COL5A1: variants seen among roughly 807,000 people sequenced by gnomAD.
The protein encoded by COL5A1 is collagen alpha-1(V) chain.
COL5A1 carries 16 observed loss-of-function variants against 263.7 expected under a neutral mutation model. The observed-to-expected ratio is 0.06, with a 90% CI of 0.04 to 0.09. The LOEUF (loss-of-function observed/expected upper bound fraction) is 0.09, where lower values mean the gene tolerates loss of function less well. Ranked by LOEUF, COL5A1 falls within the 10% of genes least tolerant of loss-of-function variation. The pLI, the probability that COL5A1 is intolerant of heterozygous loss-of-function variation, is 1.00. For synonymous variants in COL5A1, 1,012 were observed against 1,004.5 expected (o/e 1.01, Z -0.14); for missense variants, 2,036 against 2,540.5 (o/e 0.80, Z 4.27).
chr9:134,834,914 G>A, intron 64 of COL5A1, 57 bp from the exon 65 acceptor site: 2 of 1,261,724 alleles, frequency 1.6e-6, no homozygotes, highest in South Asian at 1.2e-5. Context: ...CGGACGTGGG[G>A]CTTTGTTGCT....
At chr9:134,703,918 C>A (rs373900572) in intron 4 of COL5A1, among the ~76,000 whole-genome samples, 1 of 152,034 alleles carries the variant, frequency 6.6e-6, no homozygotes. Context: ...GGATTGCAGG[C>A]GTGAGCCACC....
rs777490404 is a variant in COL5A1, at chr9:134,805,150, T to A, written c.3205-11T>A. 6.2e-7 allele frequency: 1 copy of A among 1,614,010 alleles called. No homozygotes were observed. Among genetic ancestry groups the A allele is most frequent in the Admixed American group, 1.7e-5 (1 of 60,024 alleles). ...CACGTGCCCTTGACCAACCTTTTCA[T>A]GGCTTTGCAGGGAGCTCTTGGACTG... is the stretch of plus-strand genomic sequence containing the variant. On this transcript the variant is annotated splice_polypyrimidine_tract_variant and intron_variant, in intron 40 of 65. Coordinates refer to ENST00000371817, the MANE Select transcript of COL5A1 (RefSeq NM_000093.5).
Position 134,821,905 on chromosome 9 carries a change from C to T in COL5A1, c.4555-192C>T, listed in dbSNP as rs879505610. 2.0e-5 allele frequency among the ~76,000 whole-genome samples: 3 copies of T among 152,182 alleles called. No homozygotes were observed. The highest frequency in any genetic ancestry group is 4.4e-5 in the Non-Finnish European group (3 of 68,030). On this transcript the variant is annotated intron_variant, in intron 58 of 65. Transcript: ENST00000371817. The surrounding 1 kb of genome is among the most constrained non-coding windows in gnomAD (Gnocchi z 4.2). ...AGGGCTGGCAGCCTTGGGGTGGATG[C>T]TCAGGTCGATGGCTCCCCTGACATG...
intron 25 of COL5A1, 55 bp from the exon 26 acceptor site, chr9:134,772,735 G>A (rs991070743): frequency 1.9e-6 from 3 of 1,579,510 alleles, no homozygotes; most frequent in African/African-American, 2.7e-5. Context: ...GGGAAGCGAG[G>A]GAGGCTGCTT....
chr9:134,669,268 T>C (rs1432946364), intron 1 of COL5A1, among the ~76,000 whole-genome samples: 1 of 83,232 alleles, frequency 1.2e-5, no homozygotes, highest in African/African-American at 5.3e-5. Flanking sequence ...TTCCCTTCCC[T>C]TCCCTTCCCT....
At chr9:134,782,774 G>T in intron 29 of COL5A1, 54 bp downstream of exon 29, 6 of 1,460,402 alleles carry the variant, frequency 4.1e-6, no homozygotes, top group Non-Finnish European at 5.8e-6. Context: ...GGGCTTGGCC[G>T]TGTGGGAGGG....
chr9:134,840,379 T>C (rs1288617293), intron 65 of COL5A1, among the ~76,000 whole-genome samples: 6 of 152,290 alleles, frequency 3.9e-5, no homozygotes, highest in East Asian at 1.9e-4. Context: ...CAGGAACGCA[T>C]GCAGGGAGGT....
At chr9:134,819,580 C>T (rs1838908354) in intron 57 of COL5A1, among the ~76,000 whole-genome samples, 1 of 152,244 alleles carries the variant, frequency 6.6e-6, no homozygotes, top group Admixed American at 6.5e-5. Context: ...GCCACCACTG[C>T]CCCCAGCCCC....
At chr9:134,790,813 A>G (rs1231268510) in intron 32 of COL5A1, among the ~76,000 whole-genome samples, 1 of 151,786 alleles carries the variant, frequency 6.6e-6, no homozygotes, top group Non-Finnish European at 1.5e-5. Context: ...AAACATGGGG[A>G]ATGTGAGGTA....
intron 1 of COL5A1, among the ~76,000 whole-genome samples, chr9:134,658,807 G>A (rs1163969315): frequency 2.6e-5 from 4 of 152,228 alleles, no homozygotes; most frequent in Non-Finnish European, 5.9e-5. Flanking sequence ...GCTCCAGGTG[G>A]GCTCTGGGGT....
Position 134,681,708 on chromosome 9 carries a change from C to T in COL5A1, c.110-9204C>T, listed in dbSNP as rs556596707. On this transcript the variant is annotated intron_variant, in intron 1 of 65. Transcript: ENST00000371817. This position sits in a 1 kb window ranked among gnomAD's most constrained non-coding sequence, Gnocchi z 4.3. Reference sequence around the variant, plus strand: ...CTCGATTCCTCTTTCCCAATGAAGGCTCTTAGCCCAGATGCTATTTATGAC... The same window carrying T: ...CTCGATTCCTCTTTCCCAATGAAGGTTCTTAGCCCAGATGCTATTTATGAC... 6.6e-6 allele frequency among the ~76,000 whole-genome samples: 1 copy of T among 152,310 alleles called. No individual in the cohort carries two copies. Among genetic ancestry groups the T allele is most frequent in the South Asian group, 2.1e-4 (1 of 4,830 alleles).
In COL5A1 at chr9:134,768,454, C is replaced by T. The variant is rs372185208; in HGVS notation, c.2277C>T (p.Asp759=). The T allele has an allele frequency of 1.4e-5, 23 of 1,613,924 alleles. No homozygotes were observed. The highest frequency in any genetic ancestry group is 9.3e-5 in the African/African-American group (7 of 74,942). Residue 759 remains aspartate, a synonymous_variant, in exon 25 of 66, where the codon GAC becomes GAT. Coordinates refer to ENST00000371817, the MANE Select transcript of COL5A1 (RefSeq NM_000093.5). ...GCCTTCCAGGAATGCCCGGTGCTGACGGACCCCCGGTGAGTAGCCCTGCCC... is the reference window on the plus strand; with the variant it reads ...GCCTTCCAGGAATGCCCGGTGCTGATGGACCCCCGGTGAGTAGCCCTGCCC... ...KPGLPGMPGA[D]GPPGHPGKEG... is the part of the protein sequence containing the mutation.
intron 1 of COL5A1, among the ~76,000 whole-genome samples, chr9:134,687,665 G>T (rs543338111): frequency 6.6e-6 from 1 of 152,318 alleles, no homozygotes; most frequent in Admixed American, 6.5e-5. Context: ...TAAAGAGTAG[G>T]CACCGGGCTG....
chr9:134,651,201 C>A (rs1227865104), intron 1 of COL5A1, among the ~76,000 whole-genome samples: 1 of 152,238 alleles, frequency 6.6e-6, no homozygotes, highest in African/African-American at 2.4e-5. Flanking sequence ...GCACATCAAG[C>A]CTGGGCACCA....
rs370018361 is a variant in COL5A1 at position 134,730,364 on chromosome 9, G to A, written c.1053G>A (p.Pro351=). 11 of 1,614,190 alleles carry A rather than the reference G, an allele frequency of 6.8e-6. No homozygotes were observed. The highest frequency in any genetic ancestry group is 2.2e-5 in the East Asian group (1 of 44,874). The change falls in exon 7 of 66, where the codon CCG becomes CCA. Residue 351 remains proline (P), a synonymous_variant. Transcript: ENST00000371817. ...GTGAGGACTACTACACGCCCTCACC[G>A]TATGATGACCTCACCTATGGCGAGG... The part of the protein sequence containing the change: ...VPSEDYYTPS[P]YDDLTYGEGE...
chr9:134,685,496 C>T (rs1833025005), intron 1 of COL5A1, among the ~76,000 whole-genome samples: 1 of 131,914 alleles, frequency 7.6e-6, no homozygotes, highest in Non-Finnish European at 1.6e-5. Context: ...GTCCATCCAT[C>T]CATCCATCCA....
At position 134,648,227 on chromosome 9, in the gene COL5A1, C is replaced by T. The variant is rs141525846; in HGVS notation, c.109+5931C>T. On this transcript the variant is annotated intron_variant, in intron 1 of 65. Transcript: ENST00000371817. ...CGGACTTGCTCTCCTTGCTGCTCAG[C>T]TTGCAGACAGCCTATTGTGGTGGGA... 2.0e-3 allele frequency among the ~76,000 whole-genome samples: 308 copies of T among 151,648 alleles called. 3 individuals are homozygous for T. The East Asian group carries it at 0.03, about 15-fold the overall frequency.
intron 1 of COL5A1, among the ~76,000 whole-genome samples, chr9:134,658,356 C>T (rs546343162): frequency 2.0e-5 from 3 of 152,268 alleles, no homozygotes; most frequent in African/African-American, 7.2e-5. Context: ...TGCAGACACC[C>T]GCTCCCTCTT....
At chr9:134,811,700 A>C in intron 46 of COL5A1, 101 bp downstream of exon 46, 1 of 1,085,242 alleles carries the variant, frequency 9.2e-7, no homozygotes, top group Non-Finnish European at 1.4e-6. Flanking sequence ...TGGAAAACTA[A>C]AGCCAGGCTG....
Sources: gnomAD v4.1 joint callset for allele counts (sites outside exome capture counted in the v4.1 genomes callset) on GRCh38, gnomAD v4.1.1 for gene constraint, Gnocchi (gnomAD v3.1) non-coding constraint, MANE v1.5 for transcripts, NCBI Gene and HGNC (gene_info 2026-07-23, HGNC 2026-07-21) for gene names.